The following ROR1 variants were observed in gnomAD, a reference collection of about 807,000 sequenced individuals.
ROR1 encodes the protein inactive tyrosine-protein kinase transmembrane receptor ROR1.
Under a neutral mutation model 78.8 loss-of-function variants are expected in ROR1, and 19 were observed. The ratio of observed to expected loss-of-function variants is 0.24; its 90% CI spans 0.17 to 0.35. The LOEUF (loss-of-function observed/expected upper bound fraction) is 0.35, where lower values mean the gene tolerates loss of function less well. Ranked by LOEUF, ROR1 falls within the 10% of genes least tolerant of loss-of-function variation. The probability of loss-of-function intolerance (pLI) is 1.00; values close to 1 mark genes in which losing one functional copy is unlikely to be tolerated. For synonymous variants in ROR1, 386 were observed against 433.6 expected (o/e 0.89, Z 1.36); for missense variants, 917 against 1,177.8 (o/e 0.78, Z 3.24).
chr1:63,791,433 G>A (rs1644726138), intron 1 of ROR1, among the ~76,000 whole-genome samples: 2 of 152,166 alleles, frequency 1.3e-5, no homozygotes, highest in African/African-American at 4.8e-5. Flanking sequence ...TAGTAATAAT[G>A]TAGGGGTTTA....
chr1:63,793,931 C>G (rs950834057), intron 1 of ROR1, among the ~76,000 whole-genome samples: 4 of 152,182 alleles, frequency 2.6e-5, no homozygotes, highest in African/African-American at 9.7e-5. Flanking sequence ...TCAGGAGAAG[C>G]AGAGACCCCA....
In ROR1 at chr1:64,178,657, C is replaced by G; in HGVS notation, c.2616C>G (p.Pro872=). ...GCACTGGCCATGTGACTAGCTTGCC[C>G]TCATCAGGATCCAATCAGGAAGCAA... ...STSTGHVTSL[P]SSGSNQEANI... Residue 872 remains proline, a synonymous_variant, in exon 9 of 9, where the codon CCC becomes CCG. Coordinates refer to ENST00000371079, the MANE Select transcript of ROR1 (RefSeq NM_005012.4). The surrounding 1 kb of genome is among the most constrained non-coding windows in gnomAD (Gnocchi z 4.3). 6.2e-7 allele frequency: 1 copy of G among 1,614,148 alleles called. No homozygotes were observed. Among genetic ancestry groups the G allele is most frequent in the Non-Finnish European group, 8.5e-7 (1 of 1,180,038 alleles).
At chr1:63,939,609 T>C (rs1645819996) in intron 1 of ROR1, among the ~76,000 whole-genome samples, 1 of 152,184 alleles carries the variant, frequency 6.6e-6, no homozygotes, top group Non-Finnish European at 1.5e-5. Flanking sequence ...GTATGTGCTT[T>C]GGATTTGGAT....
intron 1 of ROR1, among the ~76,000 whole-genome samples, chr1:63,962,446 T>C (rs913298561): frequency 6.6e-6 from 1 of 152,174 alleles, no homozygotes; most frequent in Non-Finnish European, 1.5e-5. Context: ...GACAAATGGT[T>C]CACTGCAATC....
At chr1:63,851,641 A>C (rs1237479255) in intron 1 of ROR1, among the ~76,000 whole-genome samples, 1 of 152,244 alleles carries the variant, frequency 6.6e-6, no homozygotes, top group East Asian at 1.9e-4. Flanking sequence ...TCTGTTTTCC[A>C]AATCTTTTTT....
intron 1 of ROR1, among the ~76,000 whole-genome samples, chr1:63,890,732 G>C (rs542143373): frequency 6.6e-6 from 1 of 151,974 alleles, no homozygotes; most frequent in Non-Finnish European, 1.5e-5. Context: ...ATTCACAAAG[G>C]CATAAAAGTG....
At chr1:64,167,639 G>C (rs1650121472) in intron 8 of ROR1, among the ~76,000 whole-genome samples, 2 of 152,192 alleles carry the variant, frequency 1.3e-5, no homozygotes, top group Non-Finnish European at 2.9e-5. Context: ...AAATGCACAA[G>C]AAAGGAAAAT....
chr1:63,864,950 G>T (rs1205335122), intron 1 of ROR1, among the ~76,000 whole-genome samples: 1 of 150,880 alleles, frequency 6.6e-6, no homozygotes, highest in Non-Finnish European at 1.5e-5. Context: ...TCCAATCTGT[G>T]AGTTCAGTTT....
At chr1:64,151,170 G>A (rs191542355) in intron 7 of ROR1, among the ~76,000 whole-genome samples, 24 of 152,300 alleles carry the variant, frequency 1.6e-4, no homozygotes, top group African/African-American at 5.1e-4. Context: ...GGAAAGGTGC[G>A]AGACCTGGGG....
At chr1:63,819,242 T>C (rs1230291755) in intron 1 of ROR1, among the ~76,000 whole-genome samples, 1 of 152,210 alleles carries the variant, frequency 6.6e-6, no homozygotes, top group Non-Finnish European at 1.5e-5. Flanking sequence ...AGTTGGTTAA[T>C]GTTGTTTTCT....
intron 1 of ROR1, among the ~76,000 whole-genome samples, chr1:63,975,876 TG>T (rs1421298955): frequency 5.3e-5 from 8 of 152,210 alleles, no homozygotes; most frequent in African/African-American, 1.9e-4. Context: ...AAATTCATGC[TG>T]GGGATTGCTA....
At chr1:64,033,445 T>C (rs1646676955) in intron 2 of ROR1, among the ~76,000 whole-genome samples, 1 of 152,202 alleles carries the variant, frequency 6.6e-6, no homozygotes, top group African/African-American at 2.4e-5. Flanking sequence ...CTGACATGTA[T>C]TCCTGGAGCC....
intron 7 of ROR1, among the ~76,000 whole-genome samples, chr1:64,153,923 A>G (rs762058496): frequency 2.6e-5 from 4 of 152,224 alleles, no homozygotes; most frequent in Non-Finnish European, 5.9e-5. Context: ...ACATTTTTTA[A>G]TTATTAAAAA....
intron 1 of ROR1, among the ~76,000 whole-genome samples, chr1:63,816,275 A>G (rs1644891685): frequency 6.6e-6 from 1 of 152,056 alleles, no homozygotes; most frequent in African/African-American, 2.4e-5. Context: ...TCCCCACCCA[A>G]ATCTCATGTA....
At chr1:63,799,396 G>A (rs577643401) in intron 1 of ROR1, among the ~76,000 whole-genome samples, 1 of 152,312 alleles carries the variant, frequency 6.6e-6, no homozygotes, top group Non-Finnish European at 1.5e-5. Flanking sequence ...TGCTAGCTGT[G>A]TCTTGTTCCC....
At chr1:64,080,964 C>A (rs761939000) in intron 4 of ROR1, among the ~76,000 whole-genome samples, 45 of 152,282 alleles carry the variant, frequency 3.0e-4, no homozygotes, top group Non-Finnish European at 5.3e-4. Flanking sequence ...TCTGAGAATC[C>A]CCACACAGCA....
chr1:63,864,365 T>G (rs894211926), intron 1 of ROR1, among the ~76,000 whole-genome samples: 1 of 152,316 alleles, frequency 6.6e-6, no homozygotes, highest in South Asian at 2.1e-4. Context: ...ATCAGCTTAC[T>G]TGTGGCTCTA....
At chr1:64,071,582 G>GACACACACACAC (rs546971973) in intron 4 of ROR1, among the ~76,000 whole-genome samples, 1,399 of 106,402 alleles carry the variant, frequency 0.013, 29 homozygotes, top group African/African-American at 0.042. Context: ...CACCCACACA[G>GACACACACACAC]ACACACACAC....
intron 4 of ROR1, among the ~76,000 whole-genome samples, chr1:64,076,589 G>A (rs1647051905): frequency 6.6e-6 from 1 of 152,034 alleles, no homozygotes; most frequent in African/African-American, 2.4e-5. Context: ...ACAAATAGTG[G>A]TACAATTCTG....
Sources: gnomAD v4.1 joint callset for allele counts (sites outside exome capture counted in the v4.1 genomes callset) on GRCh38, gnomAD v4.1.1 for gene constraint, Gnocchi (gnomAD v3.1) non-coding constraint, MANE v1.5 for transcripts, NCBI Gene and HGNC (gene_info 2026-07-23, HGNC 2026-07-21) for gene names.